The following NCR1 variants were observed in gnomAD, a reference collection of about 807,000 sequenced individuals.
The protein encoded by NCR1 is natural cytotoxicity triggering receptor 1, also known as NK cell-activating receptor.
A neutral mutation model predicts 32.5 loss-of-function variants in NCR1; 30 were observed. The ratio of observed to expected loss-of-function variants is 0.92; its 90% confidence interval spans 0.69 to 1.25. The LOEUF (loss-of-function observed/expected upper bound fraction) is 1.25. NCR1 is among the 50% of genes most tolerant of loss of function. The pLI is 0.00. For missense variants in NCR1, 369 were observed against 380.7 expected (o/e 0.97, Z 0.26); for synonymous variants, 169 against 143.4 (o/e 1.18, Z -1.28).
At chr19:54,900,992 T>C in the NCR1 span, among the ~76,000 whole-genome samples, 4 of 151,596 alleles carry the variant, frequency 2.6e-5, no homozygotes, top group Admixed American at 2.6e-4. Context: ...TATTTTTAAA[T>C]ACCAAAAAAA....
the NCR1 span, among the ~76,000 whole-genome samples, chr19:54,901,059 C>T: frequency 1.4e-5 from 2 of 144,434 alleles, no homozygotes; most frequent in African/African-American, 2.6e-5. Flanking sequence ...CCGAGAAGGG[C>T]GGATCACGAG....
chr19:54,924,675 C>A, the NCR1 span, among the ~76,000 whole-genome samples: 2 of 151,956 alleles, frequency 1.3e-5, no homozygotes, highest in African/African-American at 4.8e-5. Context: ...GTGACTCACG[C>A]CTATAATTCC....
chr19:54,930,534 T>G, the NCR1 span: 1 of 1,610,940 alleles, frequency 6.2e-7, no homozygotes, highest in African/African-American at 1.3e-5. Context: ...GATTCTCTAA[T>G]GCCTGACAGA....
the NCR1 span, among the ~76,000 whole-genome samples, chr19:54,931,805 G>T: frequency 6.6e-6 from 1 of 150,738 alleles, no homozygotes; most frequent in Admixed American, 6.6e-5. Flanking sequence ...AGCCAAGATC[G>T]CACCACTGCA....
the NCR1 span, chr19:54,933,517 C>G: frequency 3.8e-6 from 6 of 1,596,654 alleles, no homozygotes; most frequent in Non-Finnish European, 5.2e-6. Flanking sequence ...ACTTTCATGT[C>G]TCTCCTGCTT....
downstream of NCR1, among the ~76,000 whole-genome samples, chr19:54,919,887 A>G (rs1402375744): frequency 4.6e-5 from 7 of 152,254 alleles, no homozygotes; most frequent in South Asian, 6.3e-4. Context: ...GCATAACAGA[A>G]GGCTCGCACT....
chr19:54,930,453 C>A, the NCR1 span: 5 of 1,366,032 alleles, frequency 3.7e-6, no homozygotes, highest in South Asian at 4.7e-5. Context: ...CAGAGCAAGA[C>A]CCTGTCTCAA....
intron 1 of NCR1, 25 bp downstream of exon 1, chr19:54,906,246 T>TG: frequency 6.2e-7 from 1 of 1,614,146 alleles, no homozygotes; most frequent in Non-Finnish European, 8.5e-7. Context: ...GGAAGGGGAA[T>TG]GGGATCACGG....
chr19:54,915,861 C>A (rs897808205), downstream of NCR1: 14 of 138,142 alleles, frequency 1.0e-4, no homozygotes, highest in East Asian at 7.2e-4. Context: ...AAAAAAAAAA[C>A]CACATAGGCT....
chr19:54,900,312 G>A, the NCR1 span, among the ~76,000 whole-genome samples: 2,736 of 152,210 alleles, frequency 0.018, 30 homozygotes, highest in South Asian at 0.041. Flanking sequence ...GAGTGCGGCC[G>A]TTTTATAGGA....
At chr19:54,936,558 G>A in the NCR1 span, 82 of 828,828 alleles carry the variant, frequency 9.9e-5, no homozygotes, top group Non-Finnish European at 1.6e-4. Flanking sequence ...GCAGTGGCTC[G>A]TGTCTGTAAC....
the NCR1 span, chr19:54,923,645 AGT>A: frequency 7.4e-7 from 1 of 1,357,536 alleles, no homozygotes; most frequent in Non-Finnish European, 1.0e-6. Flanking sequence ...GACAGACTCT[AGT>A]GTTAACATGT....
chr19:54,906,403 G>A, intron 2 of NCR1, 69 bp downstream of exon 2: 7 of 1,605,766 alleles, frequency 4.4e-6, no homozygotes, highest in Non-Finnish European at 5.9e-6. Context: ...ACCCAAGCAC[G>A]GCTGGGGTGA....
At chr19:54,913,264 G>A, downstream of NCR1, 1 of 157,886 alleles carries the variant, frequency 6.3e-6, no homozygotes, top group Non-Finnish European at 1.4e-5. Flanking sequence ...TCTCCCTGTT[G>A]GCTGGTCTCG....
At chr19:54,918,932 C>G (rs1343588133), downstream of NCR1, among the ~76,000 whole-genome samples, 2 of 149,976 alleles carry the variant, frequency 1.3e-5, no homozygotes, top group Non-Finnish European at 3.0e-5. Context: ...TGCGGTGAGC[C>G]AAGATCACAC....
the NCR1 span, among the ~76,000 whole-genome samples, chr19:54,935,647 G>A: frequency 1.7e-4 from 25 of 150,416 alleles, no homozygotes; most frequent in Admixed American, 3.3e-4. Context: ...GAACGAGATC[G>A]CGCCACTGCG....
At chr19:54,911,405 A>G (rs1473722179) in intron 5 of NCR1, among the ~76,000 whole-genome samples, 1 of 66,118 alleles carries the variant, frequency 1.5e-5, no homozygotes, top group East Asian at 3.1e-4. Context: ...TTTGAATTTC[A>G]CTATGTGTGA....
At chr19:54,909,662 AC>A in intron 4 of NCR1, 139 bp downstream of exon 4, 1 of 1,054,288 alleles carries the variant, frequency 9.5e-7, no homozygotes, top group African/African-American at 1.6e-5. Context: ...GAGGAAGAAC[AC>A]CAGAAGCAGG....
rs772883300 is a variant in NCR1 at position 54,909,464 on chromosome 19, G to A, written c.575G>A (p.Gly192Asp). The part of the protein sequence containing the change: ...TAHRGTYRCF[G>D]SYNNHAWSFP... ...CACAGAGGGACATACCGATGTTTTG[G>A]CTCCTATAACAACCATGCCTGGTCT... Residue 192 changes from glycine to aspartate, a missense_variant, in exon 4 of 7, where the codon GGC becomes GAC. Transcript: ENST00000291890. The A allele has an allele frequency of 1.2e-6, 2 of 1,611,730 alleles. No individual in the cohort carries two copies. The highest frequency in any genetic ancestry group is 8.5e-7 in the Non-Finnish European group (1 of 1,179,998).
Sources: gnomAD v4.1 joint callset for allele counts (sites outside exome capture counted in the v4.1 genomes callset) on GRCh38, gnomAD v4.1.1 for gene constraint, MANE v1.5 for transcripts, NCBI Gene and HGNC (gene_info 2026-07-23, HGNC 2026-07-21) for gene names.